Variants in KIT observed in about 807,000 individuals in gnomAD.
KIT encodes KIT proto-oncogene, receptor tyrosine kinase, also known as mast/stem cell growth factor receptor Kit.
Under a neutral mutation model 105.7 loss-of-function variants are expected in KIT, and 16 were observed. The observed-to-expected ratio is 0.15, with a 90% CI of 0.10 to 0.23. The LOEUF is 0.23. Among genes scored for constraint, KIT ranks in the 10% least tolerant of loss-of-function variants. KIT has a pLI of 1.00. For missense variants in KIT, 858 were observed against 1,213.8 expected, an observed-to-expected ratio of 0.71 and a Z score of 4.36; for synonymous variants, 438 against 441.1, an observed-to-expected ratio of 0.99 and a Z score of 0.09.
At chr4:54,731,729 T>C in intron 15 of KIT, 142 bp from the exon 16 acceptor site, 1 of 860,186 alleles carries the variant, frequency 1.2e-6, no homozygotes, top group Non-Finnish European at 1.9e-6. Flanking sequence ...CATCTACCTT[T>C]CCTGGACACC....
At chr4:54,733,853 T>C (rs1212947979) in intron 17 of KIT, among the ~76,000 whole-genome samples, 1 of 152,160 alleles carries the variant, frequency 6.6e-6, no homozygotes, top group Admixed American at 6.6e-5. Context: ...CTAGAGCCTG[T>C]GATTTCCAGA....
At chr4:54,725,518 C>A (rs913420771) in intron 8 of KIT, among the ~76,000 whole-genome samples, 1 of 152,110 alleles carries the variant, frequency 6.6e-6, no homozygotes. Context: ...TATATGCCTG[C>A]CATTTTATTG....
intron 11 of KIT, 34 bp downstream of exon 11, chr4:54,727,576 T>G: frequency 6.2e-7 from 1 of 1,613,754 alleles, no homozygotes; most frequent in Non-Finnish European, 8.5e-7. Context: ...CATGTCACCT[T>G]TTTGGGTACA....
At chr4:54,676,899 C>T (rs2237024) in intron 1 of KIT, among the ~76,000 whole-genome samples, 14,855 of 152,170 alleles carry the variant, frequency 0.098, 1,035 homozygotes, top group African/African-American at 0.2. Flanking sequence ...TCCTAGTGCA[C>T]TTCACAGCCC....
chr4:54,670,428 A>T (rs990263585), intron 1 of KIT, among the ~76,000 whole-genome samples: 1 of 152,168 alleles, frequency 6.6e-6, no homozygotes, highest in Non-Finnish European at 1.5e-5. Context: ...GGCCATTTCA[A>T]CCAGGCTTTG....
chr4:54,664,177 G>T (rs1489372835), intron 1 of KIT, among the ~76,000 whole-genome samples: 1 of 152,008 alleles, frequency 6.6e-6, no homozygotes, highest in East Asian at 1.9e-4. Context: ...GTGTAGTTGT[G>T]GCTTCAGCTG....
intron 1 of KIT, among the ~76,000 whole-genome samples, chr4:54,669,061 C>T (rs976041469): frequency 1.3e-5 from 2 of 152,108 alleles, no homozygotes; most frequent in African/African-American, 2.4e-5. Context: ...GGATTCTTAA[C>T]CTAAAATATG....
At chr4:54,667,017 G>A (rs564466153) in intron 1 of KIT, among the ~76,000 whole-genome samples, 1 of 152,282 alleles carries the variant, frequency 6.6e-6, no homozygotes, top group East Asian at 1.9e-4. Flanking sequence ...TAAGACAAAA[G>A]GAAGCTCAAG....
intron 13 of KIT, among the ~76,000 whole-genome samples, chr4:54,728,629 T>C (rs1275108211): frequency 6.6e-6 from 1 of 152,208 alleles, no homozygotes; most frequent in Non-Finnish European, 1.5e-5. Context: ...AGTATTTCAG[T>C]TGAAAGAAAC....
At chr4:54,721,669 A>T (rs1360905791) in intron 7 of KIT, among the ~76,000 whole-genome samples, 1 of 152,140 alleles carries the variant, frequency 6.6e-6, no homozygotes, top group African/African-American at 2.4e-5. Flanking sequence ...GCCTCCAGGG[A>T]GGTGAGGTGC....
chr4:54,702,648 A>G (rs146126300), intron 4 of KIT, among the ~76,000 whole-genome samples: 55 of 152,270 alleles, frequency 3.6e-4, no homozygotes, highest in African/African-American at 1.3e-3. Context: ...CTTGATATAC[A>G]TTTAGGTCGT....
intron 2 of KIT, 76 bp downstream of exon 2, chr4:54,695,857 A>C: frequency 6.5e-7 from 1 of 1,538,838 alleles, no homozygotes; most frequent in Non-Finnish European, 9.0e-7. Flanking sequence ...TGACATATGG[A>C]TGACTGAGCC....
At chr4:54,709,215 G>T (rs1240779668) in intron 6 of KIT, among the ~76,000 whole-genome samples, 3 of 152,188 alleles carry the variant, frequency 2.0e-5, no homozygotes, top group Non-Finnish European at 4.4e-5. Flanking sequence ...TCCCCACTCT[G>T]TGGTCTCTCA....
Position 54,727,436 on chromosome 4 carries a change from G to A in KIT, c.1668G>A (p.Gln556=), listed in dbSNP as rs1482184617. ...KYLQKPMYEV[Q]WKVVEEINGN... The stretch of plus-strand genomic sequence containing the variant: ...CACAGAAACCCATGTATGAAGTACA[G>A]TGGAAGGTTGTTGAGGAGATAAATG... The change falls in exon 11 of 21, where the codon CAG becomes CAA. Residue 556 remains glutamine, a synonymous_variant. Transcript: ENST00000288135. 6.2e-7 allele frequency: 1 copy of A among 1,614,136 alleles called. No individual in the cohort carries two copies. Among genetic ancestry groups the A allele is most frequent in the East Asian group, 2.2e-5 (1 of 44,868 alleles).
intron 1 of KIT, among the ~76,000 whole-genome samples, chr4:54,681,003 T>G (rs966716999): frequency 3.9e-5 from 6 of 152,056 alleles, no homozygotes; most frequent in African/African-American, 1.4e-4. Context: ...TCCTAGGTCT[T>G]GGGGGGGTGA....
chr4:54,707,150 C>G lies in KIT; in HGVS notation c.978C>G (p.Asn326Lys), dbSNP rs148594615. The G allele has an allele frequency of 2.5e-6, 4 of 1,580,970 alleles. No homozygotes were observed. Among genetic ancestry groups the G allele is most frequent in the Non-Finnish European group, 3.5e-6 (4 of 1,150,180 alleles). ...FPMINTTVFV[N>K]DGENVDLIVE... ...TGATAAACACTACAGTATTTGTAAACGATGGAGAAAATGTAGATTTGATTG... is the reference window on the plus strand; with the variant it reads ...TGATAAACACTACAGTATTTGTAAAGGATGGAGAAAATGTAGATTTGATTG... Residue 326 changes from asparagine to lysine, a missense_variant, in exon 6 of 21, where the codon AAC becomes AAG. Around this residue, in one of 7 missense-constraint regions of KIT, gnomAD observed 401 missense variants for 601.0 expected, o/e 0.67. Transcript: ENST00000288135.
chr4:54,690,784 CTT>C (rs1224624917), intron 1 of KIT, among the ~76,000 whole-genome samples: 1 of 152,156 alleles, frequency 6.6e-6, no homozygotes, highest in Non-Finnish European at 1.5e-5. Flanking sequence ...AAGGCGTTCT[CTT>C]AATACGAACC....
At chr4:54,730,508 A>G (rs1375212053) in intron 14 of KIT, among the ~76,000 whole-genome samples, 2 of 152,162 alleles carry the variant, frequency 1.3e-5, no homozygotes, top group Admixed American at 6.6e-5. Context: ...TGAGTAGTTT[A>G]AAGTGGTAGT....
chr4:54,664,195 C>T (rs1224387889), intron 1 of KIT, among the ~76,000 whole-genome samples: 6 of 152,032 alleles, frequency 3.9e-5, no homozygotes, highest in African/African-American at 1.4e-4. Context: ...CTGAAAAAAA[C>T]TACAGTACAA....
Sources: allele counts gnomAD v4.1 joint callset (sites outside exome capture counted in the v4.1 genomes callset), GRCh38; gene constraint gnomAD v4.1.1; regional missense constraint gnomAD v4.1.1; transcripts MANE v1.5; gene names NCBI Gene and HGNC (gene_info 2026-07-23, HGNC 2026-07-21).